COL7A1: variants seen among roughly 807,000 people sequenced by gnomAD.
The protein encoded by COL7A1 is collagen type VII alpha 1 chain, also known as collagen alpha-1(VII) chain.
COL7A1 carries 296 observed loss-of-function variants against 456.2 expected under a neutral mutation model. The ratio of observed to expected loss-of-function variants is 0.65; its 90% CI spans 0.59 to 0.71. The LOEUF is 0.71. Among genes scored for constraint, COL7A1 ranks in the 30% least tolerant of loss-of-function variants. The pLI is 0.00. For missense variants in COL7A1, 3,441 were observed against 4,017.2 expected (o/e 0.86, Z 3.88); for synonymous variants, 1,464 against 1,525.9 (o/e 0.96, Z 0.95).
Position 48,571,910 on chromosome 3 carries a change from T to G in COL7A1, c.7068+91A>C. On this transcript the variant is annotated intron_variant, in intron 92 of 118. Coordinates refer to ENST00000681320, the MANE Select transcript of COL7A1 (RefSeq NM_000094.4). This position sits in a 1 kb window ranked among gnomAD's most constrained non-coding sequence, Gnocchi z 4.6. The stretch of plus-strand genomic sequence containing the variant: ...GGGACATGCAGCCCGACTCAGGGGC[T>G]CAGACATGTGCCCCGGCCCAAGAGT... The G allele has an allele frequency of 2.0e-6, 3 of 1,478,868 alleles. No individual in the cohort carries two copies. Among genetic ancestry groups the G allele is most frequent in the Non-Finnish European group, 2.8e-6 (3 of 1,075,984 alleles). The allele number at this position is 1,478,868 out of a possible 1,614,324, so 91.6% of individuals were successfully genotyped here. A position where few individuals can be genotyped will look rare whatever the true frequency, so the allele number is the denominator to read the frequency against.
In COL7A1 at chr3:48,583,386, T is replaced by C. The variant is rs779237238; in HGVS notation, c.4437+7A>G. The stretch of plus-strand genomic sequence containing the variant: ...CCTCACACCTGAATCCCCCAACTGG[T>C]ACTCACTTTGGGGCCAATAGCTCCA... On this transcript the variant is annotated splice_region_variant and intron_variant, in intron 42 of 118. Coordinates refer to ENST00000681320, the MANE Select transcript of COL7A1 (RefSeq NM_000094.4). This position sits in a 1 kb window ranked among gnomAD's most constrained non-coding sequence, Gnocchi z 5.1. 40 of 1,613,852 alleles carry C rather than the reference T, an allele frequency of 2.5e-5. No homozygotes were observed. The highest frequency in any genetic ancestry group is 3.0e-5 in the Non-Finnish European group (35 of 1,179,930).
Position 48,588,549 on chromosome 3 carries a change from A to G in COL7A1, c.2587+93T>C, listed in dbSNP as rs1159132575. 1.9e-6 allele frequency: 3 copies of G among 1,609,330 alleles called. No homozygotes were observed. The African/African-American group carries it at 4.0e-5, about 22-fold the overall frequency. Reference sequence around the variant, plus strand: ...CCCTGCCCCCAAAGGCTCACTACCAATCCTGGTCCTTTCTCCAATCCAGAG... The same window carrying G: ...CCCTGCCCCCAAAGGCTCACTACCAGTCCTGGTCCTTTCTCCAATCCAGAG... On this transcript the variant is annotated intron_variant, in intron 20 of 118. Transcript: ENST00000681320. The surrounding 1 kb of genome is among the most constrained non-coding windows in gnomAD (Gnocchi z 4.6).
At position 48,591,340 on chromosome 3, in the gene COL7A1, A is replaced by C. The variant is rs2045682597; in HGVS notation, c.1636+124T>G. 7.4e-7 allele frequency: 1 copy of C among 1,343,092 alleles called. No individual in the cohort carries two copies. The highest frequency in any genetic ancestry group is 1.3e-5 in the South Asian group (1 of 74,228). The allele number at this position is 1,343,092 out of a possible 1,614,324, so 83.2% of individuals were successfully genotyped here. ...CAGTGCCATCTTGGGAAGCAGATGGATAACGAGACAGGGAGGAGACTATAG... is the reference window on the plus strand; with the variant it reads ...CAGTGCCATCTTGGGAAGCAGATGGCTAACGAGACAGGGAGGAGACTATAG... On this transcript the variant is annotated intron_variant, in intron 13 of 118. Coordinates refer to ENST00000681320, the MANE Select transcript of COL7A1 (RefSeq NM_000094.4). This position sits in a 1 kb window ranked among gnomAD's most constrained non-coding sequence, Gnocchi z 7.0.
In COL7A1 at chr3:48,573,103, G is replaced by A. The variant is rs199983247; in HGVS notation, c.6715-47C>T. On this transcript the variant is annotated intron_variant, in intron 85 of 118. Transcript: ENST00000681320. The surrounding 1 kb of genome is among the most constrained non-coding windows in gnomAD (Gnocchi z 5.5). Reference sequence around the variant, plus strand: ...GTCAGGGTGACAATGGACACAGGACGACATGAGAGAACATGGGCCCCAAGG... The same window carrying A: ...GTCAGGGTGACAATGGACACAGGACAACATGAGAGAACATGGGCCCCAAGG... The A allele has an allele frequency of 8.4e-5, 136 of 1,614,092 alleles. 1 individual carries two copies. In the Admixed American group the frequency reaches 2.2e-3, roughly 26 times the overall value.
At chr3:48,582,984 G>T (rs760308128) in intron 44 of COL7A1, 29 bp downstream of exon 44, 1 of 1,614,024 alleles carries the variant, frequency 6.2e-7, no homozygotes, top group Non-Finnish European at 8.5e-7. Flanking sequence ...CAGGTCAGCT[G>T]GTATGAGCAT....
Position 48,570,388 on chromosome 3 carries a change from G to A in COL7A1, c.7381-54C>T. The stretch of plus-strand genomic sequence containing the variant: ...GTGAGGGGAATCAGTGGGGGACGCA[G>A]GGTCATGGGAGGTCAGTGGAGGCTG... On this transcript the variant is annotated intron_variant, in intron 97 of 118. Coordinates refer to ENST00000681320, the MANE Select transcript of COL7A1 (RefSeq NM_000094.4). The surrounding 1 kb of genome is among the most constrained non-coding windows in gnomAD (Gnocchi z 5.5). The A allele has an allele frequency of 6.2e-7, 1 of 1,613,986 alleles. No individual in the cohort carries two copies. The highest frequency in any genetic ancestry group is 1.1e-5 in the South Asian group (1 of 91,082).
rs200187486 is a variant in COL7A1 at position 48,573,477 on chromosome 3, G to T, written c.6618+36C>A. 6.2e-7 allele frequency: 1 copy of T among 1,614,054 alleles called. No individual in the cohort carries two copies. The highest frequency in any genetic ancestry group is 8.5e-7 in the Non-Finnish European group (1 of 1,179,986). On this transcript the variant is annotated intron_variant, in intron 83 of 118. Transcript: ENST00000681320. The surrounding 1 kb of genome is among the most constrained non-coding windows in gnomAD (Gnocchi z 5.5). ...ACCCCAGGCATGGACACAGCTTGAA[G>T]GAGCCTCCTCCTCCTATCCACACAC...
Position 48,581,806 on chromosome 3 carries a change from C to A in COL7A1, c.4669-47G>T, listed in dbSNP as rs771619226. 3.5e-5 allele frequency: 56 copies of A among 1,613,516 alleles called. No homozygotes were observed. Among genetic ancestry groups the A allele is most frequent in the South Asian group, 8.8e-5 (8 of 91,082 alleles). ...AGTGCTAGTCCCAGGCTCCAGTTAA[C>A]CCCCTGACCCAGCAAGTCCTGTGAC... On this transcript the variant is annotated intron_variant, in intron 48 of 118. Coordinates refer to ENST00000681320, the MANE Select transcript of COL7A1 (RefSeq NM_000094.4). The surrounding 1 kb of genome is among the most constrained non-coding windows in gnomAD (Gnocchi z 5.8).
rs542347929 is a variant in COL7A1 at position 48,570,467 on chromosome 3, T to G, written c.7378A>C (p.Lys2460Gln). The G allele has an allele frequency of 1.2e-6, 2 of 1,613,994 alleles. No individual in the cohort carries two copies. Among genetic ancestry groups the G allele is most frequent in the Admixed American group, 3.3e-5 (2 of 60,030 alleles). Reference sequence around the variant, plus strand: ...TCAGCAGCACTTGTCCCACCTACCTTGTCTCCTTTGAGTCCAGAGGCCCCA... The same window carrying G: ...TCAGCAGCACTTGTCCCACCTACCTGGTCTCCTTTGAGTCCAGAGGCCCCA... ...PPGASGLKGD[K>Q]GDPGVGLPGP... The change falls in exon 97 of 119, where the codon AAG (lysine) becomes CAG (glutamine). Residue 2460 changes from lysine (K) to glutamine (Q), a missense_variant and splice_region_variant. Lys to Gln is a moderately conservative substitution (Grantham distance 53, BLOSUM62 1). This residue lies in a region of COL7A1 where 2,084 missense variants were observed against 2,501.3 expected (regional missense o/e 0.83). Coordinates refer to ENST00000681320, the MANE Select transcript of COL7A1 (RefSeq NM_000094.4). The surrounding 1 kb of genome is among the most constrained non-coding windows in gnomAD (Gnocchi z 5.5).
chr3:48,584,935 C>A lies in COL7A1; in HGVS notation c.3986G>T (p.Gly1329Val). 4 of 1,613,942 alleles carry A rather than the reference C, an allele frequency of 2.5e-6. No homozygotes were observed. Among genetic ancestry groups the A allele is most frequent in the South Asian group, 1.1e-5 (1 of 91,090 alleles). The change falls in exon 34 of 119, where the codon GGG becomes GTG. Residue 1329 changes from glycine (G) to valine (V), a missense_variant. This residue lies in a region of COL7A1 where 2,084 missense variants were observed against 2,501.3 expected (regional missense o/e 0.83). Coordinates refer to ENST00000681320, the MANE Select transcript of COL7A1 (RefSeq NM_000094.4). ...CGGGTCCCCACGAGGGCCAGGCAAC[C>A]CTGGAGAGCCCTGCAAATGGAGGCC... ...PGAPGLKGSP[G>V]LPGPRGDPGE...
chr3:48,592,390 C>G lies in COL7A1; in HGVS notation c.1054G>C (p.Gly352Arg). 6.2e-7 allele frequency: 1 copy of G among 1,613,802 alleles called. No homozygotes were observed. Among genetic ancestry groups the G allele is most frequent in the Non-Finnish European group, 8.5e-7 (1 of 1,180,042 alleles). ...SLLVAWRSVP[G>R]ATGYRVTWRV... ...CATGTCACACGGTAGCCAGTGGCAC[C>G]TGGCACACTCCGCCAGGCCACCAGG... The change falls in exon 9 of 119, where the codon GGT becomes CGT. Residue 352 changes from glycine to arginine, a missense_variant. Gly to Arg is a moderately radical substitution (Grantham distance 125). This residue lies in a region of COL7A1 where 913 missense variants were observed against 1,088.2 expected (regional missense o/e 0.84). Coordinates refer to ENST00000681320, the MANE Select transcript of COL7A1 (RefSeq NM_000094.4). This position sits in a 1 kb window ranked among gnomAD's most constrained non-coding sequence, Gnocchi z 7.6.
chr3:48,595,061 C>T lies in COL7A1; in HGVS notation c.85+14G>A, dbSNP rs1476569409. Reference sequence around the variant, plus strand: ...TGCAGTGCCCCGGGCCGGGTCCTCCCTTGCGGTGCCCACCTCTCTCCCTGT... The same window carrying T: ...TGCAGTGCCCCGGGCCGGGTCCTCCTTTGCGGTGCCCACCTCTCTCCCTGT... On this transcript the variant is annotated intron_variant, in intron 2 of 118. Coordinates refer to ENST00000681320, the MANE Select transcript of COL7A1 (RefSeq NM_000094.4). The T allele has an allele frequency of 2.6e-6, 4 of 1,546,666 alleles. No homozygotes were observed. The highest frequency in any genetic ancestry group is 1.8e-4 in the Middle Eastern group (1 of 5,560).
chr3:48,591,341 T>A lies in COL7A1; in HGVS notation c.1636+123A>T. On this transcript the variant is annotated intron_variant, in intron 13 of 118. Coordinates refer to ENST00000681320, the MANE Select transcript of COL7A1 (RefSeq NM_000094.4). The surrounding 1 kb of genome is among the most constrained non-coding windows in gnomAD (Gnocchi z 7.0). ...AGTGCCATCTTGGGAAGCAGATGGATAACGAGACAGGGAGGAGACTATAGG... is the reference window on the plus strand; with the variant it reads ...AGTGCCATCTTGGGAAGCAGATGGAAAACGAGACAGGGAGGAGACTATAGG... 7.4e-7 allele frequency: 1 copy of A among 1,353,082 alleles called. No homozygotes were observed. Among genetic ancestry groups the A allele is most frequent in the African/African-American group, 1.4e-5 (1 of 69,626 alleles). The allele number at this position is 1,353,082 out of a possible 1,614,324, so 83.8% of individuals were successfully genotyped here. A position where few individuals can be genotyped will look rare whatever the true frequency, so the allele number is the denominator to read the frequency against.
rs2044112820 is a variant in COL7A1 at position 48,574,015 on chromosome 3, T to C, written c.6502-125A>G. ...ACCCTTTCCAGTCACAGATAATACC[T>C]ACCCATGGACTGCCTCTCATAGATA... On this transcript the variant is annotated intron_variant, in intron 80 of 118. Transcript: ENST00000681320. This position sits in a 1 kb window ranked among gnomAD's most constrained non-coding sequence, Gnocchi z 5.0. The C allele has an allele frequency of 3.1e-6, 4 of 1,283,098 alleles. No individual in the cohort carries two copies. The highest frequency in any genetic ancestry group is 3.3e-6 in the Non-Finnish European group (3 of 907,012). The allele number at this position is 1,283,098 out of a possible 1,614,324, so 79.5% of individuals were successfully genotyped here.
Position 48,584,764 on chromosome 3 carries a change from C to T in COL7A1, c.4017G>A (p.Glu1339=). 2 of 1,614,034 alleles carry T rather than the reference C, an allele frequency of 1.2e-6. No homozygotes were observed. The highest frequency in any genetic ancestry group is 1.3e-5 in the African/African-American group (1 of 75,032). ...GLPGPRGDPG[E]RGPRGPKGEP... ...CCCCCTTTGGGCCTCGAGGTCCTCG[C>T]TCTCCCTGAGGACGAAACAGAGCAG... is the stretch of plus-strand genomic sequence containing the variant. Residue 1339 remains glutamate (E), a synonymous_variant, in exon 35 of 119, where the codon GAG becomes GAA. Transcript: ENST00000681320.
Position 48,575,967 on chromosome 3 carries a change from G to A in COL7A1, c.5821-65C>T, listed in dbSNP as rs374610883. The A allele has an allele frequency of 4.2e-5, 67 of 1,612,548 alleles. No homozygotes were observed. Among genetic ancestry groups the A allele is most frequent in the African/African-American group, 2.5e-4 (19 of 75,004 alleles). On this transcript the variant is annotated intron_variant, in intron 71 of 118. Transcript: ENST00000681320. The surrounding 1 kb of genome is among the most constrained non-coding windows in gnomAD (Gnocchi z 6.3). ...GAAGCTCCTGCCTTCTGCCCCGCAC[G>A]GCCTCAGGAAAGCACCTTCACACCC...
Position 48,580,038 on chromosome 3 carries a change from C to A in COL7A1, c.5117G>T (p.Gly1706Val). 6.2e-7 allele frequency: 1 copy of A among 1,613,994 alleles called. No homozygotes were observed. The highest frequency in any genetic ancestry group is 8.5e-7 in the Non-Finnish European group (1 of 1,179,962). The change falls in exon 57 of 119, where the codon GGA becomes GTA. Residue 1706 changes from glycine (G) to valine (V), a missense_variant. By Grantham distance (109) the Gly-to-Val change is moderately radical. This residue lies in a region of COL7A1 where 2,084 missense variants were observed against 2,501.3 expected (regional missense o/e 0.83). Coordinates refer to ENST00000681320, the MANE Select transcript of COL7A1 (RefSeq NM_000094.4). The surrounding 1 kb of genome is among the most constrained non-coding windows in gnomAD (Gnocchi z 4.5). ...RGEPGPPGPP[G>V]RLVDTGPGAR... ...ACCCAGCGCAGCCCTTACCAGCCGT[C>A]CCGGGGGTCCTGGGGGACCCTGGGA... is the stretch of plus-strand genomic sequence containing the variant.
chr3:48,588,677 C>A lies in COL7A1; in HGVS notation c.2552G>T (p.Arg851Leu), dbSNP rs202126339. 3 of 1,613,732 alleles carry A rather than the reference C, an allele frequency of 1.9e-6. No homozygotes were observed. The highest frequency in any genetic ancestry group is 2.5e-6 in the Non-Finnish European group (3 of 1,180,056). ...AACAATGGAGACAGGTGTGCCCTCG[C>A]GGTCCCCGACAAGTGCAGTCACTCG... ...SVRVTALVGD[R>L]EGTPVSIVVT... is the part of the protein sequence containing the mutation. The change falls in exon 20 of 119, where the codon CGC (arginine) becomes CTC (leucine). Residue 851 changes from arginine (R) to leucine (L), a missense_variant. By Grantham distance (102) the Arg-to-Leu change is moderately radical. Coordinates refer to ENST00000681320, the MANE Select transcript of COL7A1 (RefSeq NM_000094.4). The surrounding 1 kb of genome is among the most constrained non-coding windows in gnomAD (Gnocchi z 4.6).
rs2045751485 is a variant in COL7A1 at position 48,592,172 on chromosome 3, G to A, written c.1170C>T (p.Asp390=). 2 of 1,614,122 alleles carry A rather than the reference G, an allele frequency of 1.2e-6. No homozygotes were observed. Among genetic ancestry groups the A allele is most frequent in the Non-Finnish European group, 1.7e-6 (2 of 1,180,042 alleles). ...ATAGGGTGCTCACGGTCACCTCATA[G>A]TCCGTGCCAGGCTCCAAGTCACGCA... is the stretch of plus-strand genomic sequence containing the variant. ...VLLRDLEPGT[D]YEVTVSTLFG... Residue 390 remains aspartate (D), a synonymous_variant, in exon 10 of 119, where the codon GAC becomes GAT. Coordinates refer to ENST00000681320, the MANE Select transcript of COL7A1 (RefSeq NM_000094.4). The surrounding 1 kb of genome is among the most constrained non-coding windows in gnomAD (Gnocchi z 7.6).
Sources: allele counts gnomAD v4.1 joint callset, GRCh38; gene constraint gnomAD v4.1.1; regional missense constraint gnomAD v4.1.1; non-coding constraint Gnocchi (gnomAD v3.1); transcripts MANE v1.5; gene names NCBI Gene and HGNC (gene_info 2026-07-23, HGNC 2026-07-21).